Variants in NBEAL1 observed in about 807,000 individuals in gnomAD.
The protein encoded by NBEAL1 is neurobeachin like 1.
A neutral mutation model predicts 351.3 loss-of-function variants in NBEAL1; 273 were observed. The observed-to-expected ratio is 0.78, with a 90% CI of 0.70 to 0.86. The LOEUF (loss-of-function observed/expected upper bound fraction) is 0.86. Ranked by LOEUF, NBEAL1 falls within the 40% of genes least tolerant of loss-of-function variation. The pLI is 0.00. For synonymous variants in NBEAL1, 1,050 were observed against 1,086.4 expected, an observed-to-expected ratio of 0.97 and a Z score of 0.66; for missense variants, 2,961 against 3,201.3, an observed-to-expected ratio of 0.92 and a Z score of 1.81.
intron 2 of NBEAL1, among the ~76,000 whole-genome samples, chr2:203,037,526 G>T (rs79017215): frequency 2.6e-4 from 39 of 149,032 alleles, no homozygotes; most frequent in African/African-American, 9.0e-4. Context: ...TTTGATACAT[G>T]CAAACATTTG....
At chr2:203,116,140 C>G (rs2106255909) in intron 18 of NBEAL1, 70 bp downstream of exon 18, 1 of 1,030,014 alleles carries the variant, frequency 9.7e-7, no homozygotes, top group Non-Finnish European at 1.5e-6. Flanking sequence ...TTTTCTATTC[C>G]TTTTGTCATT....
Position 203,193,927 on chromosome 2 carries a change from G to T in NBEAL1, c.7038+16G>T. 1 of 1,405,024 alleles carries T rather than the reference G, an allele frequency of 7.1e-7. No individual in the cohort carries two copies. The highest frequency in any genetic ancestry group is 1.2e-5 in the South Asian group (1 of 80,908). The allele number at this position is 1,405,024 out of a possible 1,614,324, so 87.0% of individuals were successfully genotyped here. A position where few individuals can be genotyped will look rare whatever the true frequency, so the allele number is the denominator to read the frequency against. ...TTTTATAGAGGTAATATCCTACTTG[G>T]TAATATCAAAAAGAGTTTTCTCTAA... is the stretch of plus-strand genomic sequence containing the variant. On this transcript the variant is annotated intron_variant, in intron 47 of 55. Transcript: ENST00000683969.
chr2:203,183,056 CT>C, intron 43 of NBEAL1: 4 of 304,840 alleles, frequency 1.3e-5, no homozygotes, highest in Non-Finnish European at 1.8e-5. Context: ...GTTTCCCCCA[CT>C]TTTTTTGCTT....
At position 203,172,664 on chromosome 2, in the gene NBEAL1, T is replaced by C. The variant is rs2064359563; in HGVS notation, c.6199-65T>C. ...TTTGTCTTTAGATAACCATTTGATA[T>C]TAGATATGAGGATATTAGCTTCTCT... On this transcript the variant is annotated intron_variant, in intron 40 of 55. Transcript: ENST00000683969. 5.0e-6 allele frequency: 7 copies of C among 1,402,550 alleles called. No individual in the cohort carries two copies. The South Asian group carries it at 7.8e-5, about 16-fold the overall frequency. 86.9% of individuals were successfully genotyped at this position (1,402,550 alleles called of 1,614,324 possible).
chr2:203,093,605 G>C (rs1350526187), intron 10 of NBEAL1, among the ~76,000 whole-genome samples: 1 of 152,122 alleles, frequency 6.6e-6, no homozygotes, highest in East Asian at 1.9e-4. Flanking sequence ...TGTAATCCCA[G>C]CATTCTGGGA....
At chr2:203,201,788 T>C in intron 50 of NBEAL1, 73 bp downstream of exon 50, 1 of 1,271,598 alleles carries the variant, frequency 7.9e-7, no homozygotes, top group Middle Eastern at 2.0e-4. Context: ...TAGTACGTGC[T>C]CTTTGTAAAG....
chr2:203,123,084 G>A (rs1169838036), intron 19 of NBEAL1, among the ~76,000 whole-genome samples: 3 of 150,734 alleles, frequency 2.0e-5, no homozygotes, highest in African/African-American at 4.9e-5. Flanking sequence ...AGGGCTTGCC[G>A]GTAAATCAGG....
intron 2 of NBEAL1, among the ~76,000 whole-genome samples, chr2:203,035,048 A>G (rs1174312555): frequency 6.7e-6 from 1 of 149,322 alleles, no homozygotes; most frequent in African/African-American, 2.4e-5. Flanking sequence ...AGAGCAAATA[A>G]AGCATTCCCC....
chr2:203,135,559 A>G, intron 27 of NBEAL1, 118 bp from the exon 28 acceptor site: 1 of 654,954 alleles, frequency 1.5e-6, no homozygotes, highest in South Asian at 2.6e-5. Context: ...TTTTGAAAGT[A>G]TATTCTTCTA....
intron 25 of NBEAL1, among the ~76,000 whole-genome samples, 154 bp from the exon 26 acceptor site, chr2:203,131,803 TCTATAAGTTAATATTG>T (rs1253473645): frequency 1.3e-5 from 2 of 152,274 alleles, no homozygotes; most frequent in African/African-American, 2.4e-5. Context: ...ATTATTTTAT[TCTATAAGTTAATATTG>T]CTATAAGTTA....
chr2:203,038,225 TTTGTATTC>T lies in NBEAL1; in HGVS notation c.52-3539_52-3532del, dbSNP rs2061071149. Among the ~76,000 whole-genome samples the T allele has an allele frequency of 1.3e-5, 2 of 149,232 alleles. 1 individual carries two copies. Among genetic ancestry groups the T allele is most frequent in the Non-Finnish European group, 3.0e-5 (2 of 66,568 alleles). On this transcript the variant is annotated intron_variant, in intron 2 of 55. Transcript: ENST00000683969. ...TTTTGTACAAGTGTTTTTGTGGATA[TTTGTATTC>T]ATTTATCTGGGAGAGGAATGGCTGG...
intron 2 of NBEAL1, among the ~76,000 whole-genome samples, chr2:203,024,748 G>A (rs2060827931): frequency 6.6e-6 from 1 of 151,982 alleles, no homozygotes; most frequent in Admixed American, 6.6e-5. Flanking sequence ...TGTGGTCCCA[G>A]CTACTCAGGA....
intron 3 of NBEAL1, among the ~76,000 whole-genome samples, chr2:203,049,383 G>A (rs949982031): frequency 1.3e-5 from 2 of 152,096 alleles, no homozygotes; most frequent in African/African-American, 4.8e-5. Context: ...AACTAGTTAT[G>A]TAGATACTTC....
chr2:203,076,532 G>A (rs1159531727), intron 7 of NBEAL1, among the ~76,000 whole-genome samples: 4 of 145,270 alleles, frequency 2.8e-5, no homozygotes, highest in Non-Finnish European at 6.0e-5. Context: ...TGTCCAGAAT[G>A]TATTAAGTTA....
At chr2:203,152,418 G>A (rs1471753765) in intron 35 of NBEAL1, among the ~76,000 whole-genome samples, 10 of 149,178 alleles carry the variant, frequency 6.7e-5, no homozygotes, top group Non-Finnish European at 1.2e-4. Context: ...GTGAAACCCC[G>A]TCTCTACTAA....
chr2:203,209,057 T>G (rs775165882), intron 52 of NBEAL1, 104 bp from the exon 53 acceptor site: 12 of 907,142 alleles, frequency 1.3e-5, no homozygotes, highest in Non-Finnish European at 2.0e-5. Context: ...AATCATTTTC[T>G]TGGTTCCTTT....
chr2:203,020,187 C>G (rs1289543700), intron 2 of NBEAL1, among the ~76,000 whole-genome samples: 1 of 152,128 alleles, frequency 6.6e-6, no homozygotes, highest in East Asian at 1.9e-4. Flanking sequence ...CCAAACTTTT[C>G]AGGTCTAACT....
intron 41 of NBEAL1, among the ~76,000 whole-genome samples, chr2:203,173,333 C>A (rs1206499718): frequency 1.3e-5 from 2 of 152,084 alleles, no homozygotes; most frequent in African/African-American, 4.8e-5. Context: ...TTTTATAGTT[C>A]TGTTTATGAT....
chr2:203,174,806 A>G (rs1201493555), intron 41 of NBEAL1, among the ~76,000 whole-genome samples: 1 of 151,750 alleles, frequency 6.6e-6, no homozygotes, highest in East Asian at 1.9e-4. Flanking sequence ...CAGGAGAATG[A>G]TGTGAACCCA....
Sources: allele counts gnomAD v4.1 joint callset (sites outside exome capture counted in the v4.1 genomes callset), GRCh38; gene constraint gnomAD v4.1.1; transcripts MANE v1.5; gene names NCBI Gene and HGNC (gene_info 2026-07-23, HGNC 2026-07-21).